The following ATXN1 variants were observed in gnomAD, a reference collection of about 807,000 sequenced individuals.
The protein encoded by ATXN1 is ataxin 1.
ATXN1 carries 8 observed loss-of-function variants against 56.4 expected under a neutral mutation model. The observed-to-expected ratio is 0.14, with a 90% CI of 0.08 to 0.26. The LOEUF (loss-of-function observed/expected upper bound fraction) is 0.26. Ranked by LOEUF, ATXN1 falls within the 10% of genes least tolerant of loss-of-function variation. The pLI is 1.00. For synonymous variants in ATXN1, 514 were observed against 494.6 expected, an observed-to-expected ratio of 1.04 and a Z score of -0.52; for missense variants, 987 against 1,106.5, an observed-to-expected ratio of 0.89 and a Z score of 1.53.
intron 6 of ATXN1, among the ~76,000 whole-genome samples, chr6:16,357,166 C>A (rs557470989): frequency 1.3e-5 from 2 of 152,140 alleles, no homozygotes; most frequent in East Asian, 3.9e-4. Context: ...GCGAAACAGG[C>A]CTAGAGACAA....
Position 16,410,771 on chromosome 6 carries a change from A to AGAG in ATXN1, c.-161+75200_-161+75201insCTC. Among the ~76,000 whole-genome samples the AGAG allele has an allele frequency of 6.6e-6, 1 of 152,320 alleles. No individual in the cohort carries two copies. The highest frequency in any genetic ancestry group is 2.1e-4 in the South Asian group (1 of 4,826). On this transcript the variant is annotated intron_variant, in intron 6 of 7. Coordinates refer to ENST00000436367, the MANE Select transcript of ATXN1 (RefSeq NM_001128164.2). This position sits in a 1 kb window ranked among gnomAD's most constrained non-coding sequence, Gnocchi z 4.6. The stretch of plus-strand genomic sequence containing the variant: ...GTGGAGCAAAGTGAATTTGAAGTTA[A>AGAG]GTCTCCTCTTAGTGTAGCAGTACGT...
At chr6:16,612,151 G>C (rs988419910) in intron 3 of ATXN1, among the ~76,000 whole-genome samples, 1 of 151,998 alleles carries the variant, frequency 6.6e-6, no homozygotes, top group African/African-American at 2.4e-5. Context: ...GAGCCACCGC[G>C]CCCGGCCAGC....
intron 6 of ATXN1, among the ~76,000 whole-genome samples, chr6:16,334,213 G>C (rs1310618436): frequency 6.6e-6 from 1 of 152,158 alleles, no homozygotes; most frequent in Non-Finnish European, 1.5e-5. Context: ...ATCTTAAGAA[G>C]CCGGAAGTGA....
intron 6 of ATXN1, among the ~76,000 whole-genome samples, chr6:16,474,973 T>C (rs1760298074): frequency 6.6e-6 from 1 of 152,200 alleles, no homozygotes; most frequent in African/African-American, 2.4e-5. Flanking sequence ...CTAGACTGTT[T>C]TTACCTATCA....
At chr6:16,350,517 C>A (rs553101419) in intron 6 of ATXN1, among the ~76,000 whole-genome samples, 1 of 152,352 alleles carries the variant, frequency 6.6e-6, no homozygotes, top group Admixed American at 6.5e-5. Flanking sequence ...ATACCTCTCT[C>A]GCACTTCACT....
intron 3 of ATXN1, among the ~76,000 whole-genome samples, chr6:16,614,432 C>G (rs1156413928): frequency 6.6e-6 from 1 of 151,878 alleles, no homozygotes; most frequent in Admixed American, 6.6e-5. Flanking sequence ...ATGATACATA[C>G]ATCCTGAAAA....
At chr6:16,558,319 GA>G (rs1285249377) in intron 4 of ATXN1, among the ~76,000 whole-genome samples, 2,000 of 119,394 alleles carry the variant, frequency 0.017, 53 homozygotes, top group African/African-American at 0.059. Context: ...AAAAAAAAAA[GA>G]AAAAAAAAAG....
chr6:16,603,350 C>T (rs1257065019), intron 3 of ATXN1, among the ~76,000 whole-genome samples: 2 of 152,224 alleles, frequency 1.3e-5, no homozygotes, highest in Non-Finnish European at 2.9e-5. Flanking sequence ...CACCCAGAGA[C>T]TGAGAATGCA....
intron 2 of ATXN1, among the ~76,000 whole-genome samples, chr6:16,749,297 C>T (rs569476290): frequency 1.9e-3 from 285 of 152,174 alleles, no homozygotes; most frequent in Non-Finnish European, 2.6e-3. Context: ...AATAAATCAA[C>T]GGTAGAAAAG....
chr6:16,449,279 C>T (rs1176277684), intron 6 of ATXN1, among the ~76,000 whole-genome samples: 4 of 152,112 alleles, frequency 2.6e-5, no homozygotes, highest in Admixed American at 1.3e-4. Context: ...TTCTTGTCCT[C>T]AGTGAATTTT....
At chr6:16,451,406 A>C (rs1481741364) in intron 6 of ATXN1, among the ~76,000 whole-genome samples, 1 of 152,240 alleles carries the variant, frequency 6.6e-6, no homozygotes, top group African/African-American at 2.4e-5. Flanking sequence ...CAGAGTTTGC[A>C]GTGAGCCAAG....
rs115683048 is a variant in ATXN1 at position 16,483,795 on chromosome 6, T to G, written c.-161+2177A>C. Among the ~76,000 whole-genome samples, 1,004 of 152,300 alleles carry G rather than the reference T, an allele frequency of 6.6e-3. 2 individuals are homozygous for G. The highest frequency in any genetic ancestry group is 0.014 in the Middle Eastern group (4 of 294). On this transcript the variant is annotated intron_variant, in intron 6 of 7. Coordinates refer to ENST00000436367, the MANE Select transcript of ATXN1 (RefSeq NM_001128164.2). ...TAAAACAACAACAAAAAACCCCCAC[T>G]AGATTTGAAACAAAAGCTATCTTGA...
chr6:16,543,602 T>C (rs1194975179), intron 4 of ATXN1, among the ~76,000 whole-genome samples: 2 of 147,412 alleles, frequency 1.4e-5, no homozygotes. Flanking sequence ...TTTGCATGTG[T>C]TCTAACCACT....
chr6:16,465,585 T>TGGGGATGAGGGCAAGGGCA (rs1760089081), intron 6 of ATXN1, among the ~76,000 whole-genome samples: 3 of 151,778 alleles, frequency 2.0e-5, no homozygotes, highest in Admixed American at 2.0e-4. Flanking sequence ...ATGATTCAGA[T>TGGGGATGAGGGCAAGGGCA]GGGGATGAGG....
chr6:16,719,905 C>G (rs1759712932), intron 2 of ATXN1, among the ~76,000 whole-genome samples: 1 of 152,160 alleles, frequency 6.6e-6, no homozygotes, highest in Admixed American at 6.5e-5. Context: ...TGTGGCCCGG[C>G]TGACACCTGA....
intron 2 of ATXN1, among the ~76,000 whole-genome samples, chr6:16,661,192 C>T (rs927833060): frequency 4.6e-5 from 7 of 151,708 alleles, no homozygotes; most frequent in East Asian, 1.9e-4. Context: ...CTCTTCGTTT[C>T]GAAAGAGATT....
intron 6 of ATXN1, among the ~76,000 whole-genome samples, chr6:16,384,248 A>G (rs1303531872): frequency 1.3e-5 from 2 of 152,208 alleles, no homozygotes; most frequent in Non-Finnish European, 2.9e-5. Context: ...CAATACAAAA[A>G]TAAAGGTAAT....
At chr6:16,501,735 G>T (rs1299957606) in intron 5 of ATXN1, among the ~76,000 whole-genome samples, 2 of 152,004 alleles carry the variant, frequency 1.3e-5, no homozygotes, top group Non-Finnish European at 2.9e-5. Context: ...ATGGGCATTT[G>T]GGTTGGTTTC....
chr6:16,565,177 G>A (rs1344799045), intron 4 of ATXN1, among the ~76,000 whole-genome samples: 1 of 152,120 alleles, frequency 6.6e-6, no homozygotes, highest in Admixed American at 6.6e-5. Context: ...AAGTGGACAG[G>A]TCTTTCATAC....
Sources: allele counts gnomAD v4.1 joint callset (sites outside exome capture counted in the v4.1 genomes callset), GRCh38; gene constraint gnomAD v4.1.1; non-coding constraint Gnocchi (gnomAD v3.1); transcripts MANE v1.5; gene names NCBI Gene and HGNC (gene_info 2026-07-23, HGNC 2026-07-21).